The following COL5A2 variants were observed in gnomAD, a reference collection of about 807,000 sequenced individuals.
COL5A2 encodes the protein collagen alpha-2(V) chain.
COL5A2 carries 23 observed loss-of-function variants against 208.2 expected under a neutral mutation model. That is an observed-to-expected ratio of 0.11 (90% CI 0.08 to 0.16). The LOEUF is 0.16. Ranked by LOEUF, COL5A2 falls within the 10% of genes least tolerant of loss-of-function variation. The pLI, the probability that COL5A2 is intolerant of heterozygous loss-of-function variation, is 1.00. For missense variants in COL5A2, 1,590 were observed against 1,956.4 expected (o/e 0.81, Z 3.53); for synonymous variants, 625 against 628.5 (o/e 0.99, Z 0.08).
At chr2:189,168,175 G>A (rs1178120498) in intron 1 of COL5A2, among the ~76,000 whole-genome samples, 4 of 150,866 alleles carry the variant, frequency 2.7e-5, no homozygotes, top group Non-Finnish European at 4.4e-5. Flanking sequence ...TTCTGACTTC[G>A]TGATCCGCCC....
intron 1 of COL5A2, among the ~76,000 whole-genome samples, chr2:189,197,038 T>C (rs1177714269): frequency 6.6e-6 from 1 of 152,074 alleles, no homozygotes; most frequent in Non-Finnish European, 1.5e-5. Context: ...AGCAAAGACA[T>C]GGAACCAACG....
chr2:189,136,022 T>TG (rs758390955), intron 1 of COL5A2, among the ~76,000 whole-genome samples: 6 of 152,124 alleles, frequency 3.9e-5, no homozygotes, highest in African/African-American at 7.2e-5. Context: ...ATTCCCTGGA[T>TG]GGGCTATGTT....
In COL5A2 at chr2:189,075,211, T is replaced by C. The variant is rs556540253; in HGVS notation, c.1104+182A>G. 3.9e-5 allele frequency among the ~76,000 whole-genome samples: 6 copies of C among 152,304 alleles called. 1 individual carries two copies. The highest frequency in any genetic ancestry group is 2.4e-5 in the African/African-American group (1 of 41,582). On this transcript the variant is annotated intron_variant, in intron 17 of 53. Coordinates refer to ENST00000374866, the MANE Select transcript of COL5A2 (RefSeq NM_000393.5). ...TATTATGGAGTTAACAATTATGTTA[T>C]ACAACAATATTAATATCTCTCTCTT... is the stretch of plus-strand genomic sequence containing the variant.
intron 1 of COL5A2, among the ~76,000 whole-genome samples, chr2:189,209,160 T>C (rs1210110567): frequency 6.6e-6 from 1 of 152,186 alleles, no homozygotes; most frequent in Non-Finnish European, 1.5e-5. Flanking sequence ...TTTTATTTTT[T>C]AAGTCCTCTA....
intron 47 of COL5A2, 22 bp downstream of exon 47, chr2:189,045,157 A>C: frequency 6.3e-7 from 1 of 1,579,166 alleles, no homozygotes; most frequent in Non-Finnish European, 8.6e-7. Flanking sequence ...CATTTTTTAA[A>C]AAACAAAAAA....
intron 1 of COL5A2, among the ~76,000 whole-genome samples, chr2:189,138,908 A>C (rs1356171089): frequency 1.3e-5 from 2 of 152,186 alleles, no homozygotes; most frequent in Admixed American, 1.3e-4. Flanking sequence ...AAAATATAAA[A>C]TAGAATAGGA....
At chr2:189,037,241 C>T (rs970772050) in intron 51 of COL5A2, among the ~76,000 whole-genome samples, 2 of 151,996 alleles carry the variant, frequency 1.3e-5, no homozygotes, top group Non-Finnish European at 2.9e-5. Flanking sequence ...AGTTGAATTA[C>T]AATTAGAATG....
chr2:189,337,002 T>C, the COL5A2 span, among the ~76,000 whole-genome samples: 8 of 152,266 alleles, frequency 5.3e-5, no homozygotes, highest in East Asian at 1.5e-3. Context: ...TCTGGCCTAC[T>C]TTTTTATTCA....
At chr2:189,403,816 T>G in the COL5A2 span, among the ~76,000 whole-genome samples, 5 of 152,338 alleles carry the variant, frequency 3.3e-5, no homozygotes, top group Admixed American at 2.6e-4. Flanking sequence ...GAATTTGGTT[T>G]GCCAGTATTT....
chr2:189,051,794 C>A (rs1685794798), intron 41 of COL5A2, among the ~76,000 whole-genome samples: 1 of 152,104 alleles, frequency 6.6e-6, no homozygotes, highest in South Asian at 2.1e-4. Flanking sequence ...ATATATAATA[C>A]TTTATTCTGA....
At chr2:189,337,418 G>A in the COL5A2 span, among the ~76,000 whole-genome samples, 1 of 151,850 alleles carries the variant, frequency 6.6e-6, no homozygotes, top group African/African-American at 2.4e-5. Context: ...TCCTGACCTC[G>A]TGATCCGCCC....
At chr2:189,416,056 C>T in the COL5A2 span, among the ~76,000 whole-genome samples, 37 of 152,146 alleles carry the variant, frequency 2.4e-4, no homozygotes, top group Non-Finnish European at 4.4e-4. Flanking sequence ...AACTACATTC[C>T]TACAACAGGT....
At chr2:189,309,120 G>T in the COL5A2 span, among the ~76,000 whole-genome samples, 1 of 152,142 alleles carries the variant, frequency 6.6e-6, no homozygotes, top group Non-Finnish European at 1.5e-5. Context: ...GCATGAGAGG[G>T]TCTCTCCCCG....
At chr2:189,100,614 T>C (rs1687029181) in intron 3 of COL5A2, among the ~76,000 whole-genome samples, 1 of 151,972 alleles carries the variant, frequency 6.6e-6, no homozygotes, top group African/African-American at 2.4e-5. Context: ...ATTCCTGAAC[T>C]ACTAGCACCC....
At chr2:189,381,095 T>C in the COL5A2 span, among the ~76,000 whole-genome samples, 2 of 152,052 alleles carry the variant, frequency 1.3e-5, no homozygotes, top group Admixed American at 1.3e-4. Context: ...GTAAACATTA[T>C]ATTACATTGA....
In COL5A2 at chr2:189,056,977, G is replaced by A. The variant is rs1003857252; in HGVS notation, c.2387C>T (p.Ala796Val). ...AAAAGGAATACTTTCACTTACTCTT[G>A]CACCATCATTTCCAGCTGTGCCTTC... ...GAEGTAGNDG[A>V]RGLPGPLGPP... The change falls in exon 35 of 54, where the codon GCA becomes GTA. Residue 796 changes from alanine (A) to valine (V), a missense_variant. Transcript: ENST00000374866. The A allele has an allele frequency of 6.2e-7, 1 of 1,613,898 alleles. No individual in the cohort carries two copies. The highest frequency in any genetic ancestry group is 1.7e-5 in the Admixed American group (1 of 60,020).
At chr2:189,386,134 C>G in the COL5A2 span, among the ~76,000 whole-genome samples, 1 of 152,056 alleles carries the variant, frequency 6.6e-6, no homozygotes, top group African/African-American at 2.4e-5. Context: ...TCCACCTGGC[C>G]CTGCCCTTGA....
chr2:189,060,812 T>C, intron 30 of COL5A2, 29 bp from the exon 31 acceptor site: 1 of 1,589,074 alleles, frequency 6.3e-7, no homozygotes, highest in Non-Finnish European at 8.6e-7. Context: ...AATAAAATTG[T>C]GAATCTGTGT....
intron 1 of COL5A2, among the ~76,000 whole-genome samples, chr2:189,121,546 G>T (rs988171572): frequency 1.9e-4 from 29 of 151,976 alleles, no homozygotes; most frequent in Non-Finnish European, 1.5e-5. Flanking sequence ...CAGTCCAGAA[G>T]CCAAGACAGT....
Sources: allele counts gnomAD v4.1 joint callset (sites outside exome capture counted in the v4.1 genomes callset), GRCh38; gene constraint gnomAD v4.1.1; transcripts MANE v1.5; gene names NCBI Gene and HGNC (gene_info 2026-07-23, HGNC 2026-07-21).